Variants in ZBTB38 observed in about 807,000 individuals in gnomAD.
ZBTB38 encodes the protein zinc finger and BTB domain-containing protein 38.
ZBTB38 carries 20 observed loss-of-function variants against 76.8 expected under a neutral mutation model. The observed-to-expected ratio is 0.26, with a 90% CI of 0.18 to 0.38. The LOEUF (loss-of-function observed/expected upper bound fraction) is 0.38. Ranked by LOEUF, ZBTB38 falls within the 10% of genes least tolerant of loss-of-function variation. ZBTB38 has a pLI of 1.00. For missense variants in ZBTB38, 1,082 were observed against 1,482.3 expected (o/e 0.73, Z 4.43); for synonymous variants, 504 against 544.2 (o/e 0.93, Z 1.03).
At chr3:141,390,678 T>C (rs1385920533) in intron 4 of ZBTB38, among the ~76,000 whole-genome samples, 1 of 152,228 alleles carries the variant, frequency 6.6e-6, no homozygotes, top group Non-Finnish European at 1.5e-5. Flanking sequence ...TAACAGCTCC[T>C]TTCCAAGGGA....
At chr3:141,377,578 G>A (rs556105190) in intron 2 of ZBTB38, among the ~76,000 whole-genome samples, 1 of 152,234 alleles carries the variant, frequency 6.6e-6, no homozygotes, top group Admixed American at 6.5e-5. Flanking sequence ...TACTTACCAC[G>A]TGATCCAGCA....
chr3:141,414,778 T>C (rs1408202991), intron 5 of ZBTB38, among the ~76,000 whole-genome samples: 1 of 151,652 alleles, frequency 6.6e-6, no homozygotes, highest in Non-Finnish European at 1.5e-5. Flanking sequence ...GTGTACTTGG[T>C]CTTTGGTATG....
intron 5 of ZBTB38, among the ~76,000 whole-genome samples, chr3:141,414,926 T>G (rs1158189176): frequency 1.3e-5 from 2 of 152,106 alleles, no homozygotes; most frequent in Non-Finnish European, 2.9e-5. Flanking sequence ...TTACAGTGCT[T>G]TCCCTCTTTT....
At position 141,445,097 on chromosome 3, in the gene ZBTB38, C is replaced by A. The variant is rs781530759; in HGVS notation, c.2709C>A (p.Phe903Leu). The A allele has an allele frequency of 6.2e-7, 1 of 1,614,114 alleles. No homozygotes were observed. Among genetic ancestry groups the A allele is most frequent in the Non-Finnish European group, 8.5e-7 (1 of 1,180,030 alleles). Residue 903 changes from phenylalanine to leucine, a missense_variant, in exon 6 of 6, where the codon TTC becomes TTA. Phe to Leu is a conservative substitution (Grantham distance 22). Transcript: ENST00000321464. This position sits in a 1 kb window ranked among gnomAD's most constrained non-coding sequence, Gnocchi z 6.5. ...AGTGCATGGAGATGAGTGAAGTGTTCGATGACGCAAGTGACCAGGATTCCA... is the reference window on the plus strand; with the variant it reads ...AGTGCATGGAGATGAGTGAAGTGTTAGATGACGCAAGTGACCAGGATTCCA... ...QSECMEMSEV[F>L]DDASDQDSTD...
chr3:141,414,080 C>T (rs949777773), intron 5 of ZBTB38, among the ~76,000 whole-genome samples: 1 of 152,162 alleles, frequency 6.6e-6, no homozygotes, highest in Non-Finnish European at 1.5e-5. Context: ...ACAGGCAGAA[C>T]AAAACCTACA....
chr3:141,338,707 T>G (rs1318127222), intron 1 of ZBTB38, among the ~76,000 whole-genome samples: 1 of 152,092 alleles, frequency 6.6e-6, no homozygotes, highest in African/African-American at 2.4e-5. Flanking sequence ...TGCTTGTTAC[T>G]TGGGTGATGA....
At chr3:141,363,390 A>C (rs915293146) in intron 1 of ZBTB38, among the ~76,000 whole-genome samples, 2 of 152,246 alleles carry the variant, frequency 1.3e-5, no homozygotes, top group African/African-American at 4.8e-5. Flanking sequence ...GAAATTGAGA[A>C]GCTGATCCTA....
intron 5 of ZBTB38, among the ~76,000 whole-genome samples, chr3:141,430,263 T>G: frequency 6.6e-6 from 1 of 152,048 alleles, no homozygotes. Flanking sequence ...GATGGGGTTT[T>G]GCCATGTTGG....
chr3:141,399,947 A>ATT (rs1456394498), intron 4 of ZBTB38, among the ~76,000 whole-genome samples: 4 of 145,164 alleles, frequency 2.8e-5, no homozygotes, highest in Admixed American at 2.1e-4. Flanking sequence ...ACTGGTGGAA[A>ATT]TTTAAGAATT....
intron 5 of ZBTB38, among the ~76,000 whole-genome samples, chr3:141,409,334 C>T (rs1406795422): frequency 2.6e-5 from 4 of 152,204 alleles, no homozygotes; most frequent in Admixed American, 1.3e-4. Flanking sequence ...ACGTGAGCCA[C>T]CGTGCCCATC....
chr3:141,356,525 A>C (rs1943669194), intron 1 of ZBTB38, among the ~76,000 whole-genome samples: 1 of 152,174 alleles, frequency 6.6e-6, no homozygotes, highest in Non-Finnish European at 1.5e-5. Flanking sequence ...TCTGTACTAC[A>C]TCTAACCTTA....
rs532267086 is a variant in ZBTB38 at position 141,445,917 on chromosome 3, T to G, written c.3529T>G (p.Ser1177Ala). The change falls in exon 6 of 6, where the codon TCA becomes GCA. Residue 1177 changes from serine to alanine, a missense_variant. Transcript: ENST00000321464. This position sits in a 1 kb window ranked among gnomAD's most constrained non-coding sequence, Gnocchi z 6.5. ...CTTGGAGAATCAACATTTCATTGGT[T>G]CAGAAGACAATGACCAAAAGGATAA... The part of the protein sequence containing the change: ...NPLENQHFIG[S>A]EDNDQKDNIQ... The G allele has an allele frequency of 6.8e-5, 109 of 1,606,362 alleles. 1 individual carries two copies. In the South Asian group the frequency reaches 1.2e-3, roughly 17 times the overall value.
upstream of ZBTB38, among the ~76,000 whole-genome samples, chr3:141,364,786 A>G (rs1943916825): frequency 6.6e-6 from 1 of 151,896 alleles, no homozygotes; most frequent in Non-Finnish European, 1.5e-5. Flanking sequence ...AAGCTCCTGA[A>G]AACACACTCA....
At chr3:141,412,077 C>T (rs539923055) in intron 5 of ZBTB38, among the ~76,000 whole-genome samples, 1 of 152,296 alleles carries the variant, frequency 6.6e-6, no homozygotes, top group East Asian at 1.9e-4. Flanking sequence ...AACCTCCAAT[C>T]CTAGCAACTC....
rs1185101917 is a variant in ZBTB38 at position 141,445,863 on chromosome 3, G to A, written c.3475G>A (p.Gly1159Ser). The change falls in exon 6 of 6, where the codon GGT becomes AGT. Residue 1159 changes from glycine (G) to serine (S), a missense_variant. This residue lies in a region of ZBTB38 where 54 missense variants were observed against 57.9 expected (regional missense o/e 0.93). Coordinates refer to ENST00000321464, the MANE Select transcript of ZBTB38 (RefSeq NM_001376113.1). The surrounding 1 kb of genome is among the most constrained non-coding windows in gnomAD (Gnocchi z 6.5). ...AAGCCCAAGTCAGCAGGAGAAAATA[G>A]GTGACGTGTGCCACGAAAACTCAAA... ...FKSPSQQEKIGDVCHENSNPL... is the reference protein window; with the variant it reads ...FKSPSQQEKISDVCHENSNPL... 14 of 1,613,304 alleles carry A rather than the reference G, an allele frequency of 8.7e-6. No individual in the cohort carries two copies. The highest frequency in any genetic ancestry group is 1.0e-5 in the Non-Finnish European group (12 of 1,180,030).
At chr3:141,333,147 C>T (rs1048506430) in intron 1 of ZBTB38, among the ~76,000 whole-genome samples, 1 of 152,118 alleles carries the variant, frequency 6.6e-6, no homozygotes, top group Admixed American at 6.5e-5. Context: ...TTTGAGGGCC[C>T]CAGGGGACAG....
rs763794549 is a variant in ZBTB38 at position 141,443,114 on chromosome 3, C to T, written c.726C>T (p.Gly242=). ...YRSQPVREHD[G]SSPGNTGKEN... is the part of the protein sequence containing the mutation. ...GTCAGCCTGTACGTGAACATGATGGCAGTTCACCTGGTAACACAGGGAAAG... is the reference window on the plus strand; with the variant it reads ...GTCAGCCTGTACGTGAACATGATGGTAGTTCACCTGGTAACACAGGGAAAG... Residue 242 remains glycine (G), a synonymous_variant, in exon 6 of 6, where the codon GGC becomes GGT. Transcript: ENST00000321464. This position sits in a 1 kb window ranked among gnomAD's most constrained non-coding sequence, Gnocchi z 5.6. 7 of 1,614,196 alleles carry T rather than the reference C, an allele frequency of 4.3e-6. No individual in the cohort carries two copies. In the South Asian group the frequency reaches 6.6e-5, roughly 15 times the overall value.
At chr3:141,352,464 G>T (rs1576667077) in intron 1 of ZBTB38, among the ~76,000 whole-genome samples, 1 of 152,076 alleles carries the variant, frequency 6.6e-6, no homozygotes, top group African/African-American at 2.4e-5. Context: ...ATGGAGGGAA[G>T]GTCAATGGGA....
chr3:141,335,853 A>G (rs1296121033), intron 1 of ZBTB38, among the ~76,000 whole-genome samples: 4 of 152,248 alleles, frequency 2.6e-5, no homozygotes, highest in South Asian at 4.1e-4. Flanking sequence ...GAATGTAAGC[A>G]TTTATGTCTC....
Sources: gnomAD v4.1 joint callset for allele counts (sites outside exome capture counted in the v4.1 genomes callset) on GRCh38, gnomAD v4.1.1 for gene constraint, gnomAD v4.1.1 regional missense constraint, Gnocchi (gnomAD v3.1) non-coding constraint, MANE v1.5 for transcripts, NCBI Gene and HGNC (gene_info 2026-07-23, HGNC 2026-07-21) for gene names.